The following DRD2 variants were observed in gnomAD, a reference collection of about 807,000 sequenced individuals.
DRD2 encodes the protein dopamine receptor D2, also known as D(2) dopamine receptor.
Under a neutral mutation model 38.0 loss-of-function variants are expected in DRD2, and 8 were observed. The observed-to-expected ratio is 0.21, with a 90% confidence interval of 0.12 to 0.38. DRD2 has a LOEUF of 0.38. Ranked by LOEUF, DRD2 falls within the 10% of genes least tolerant of loss-of-function variation. The probability of loss-of-function intolerance (pLI) is 1.00; values close to 1 mark genes in which losing one functional copy is unlikely to be tolerated. For synonymous variants in DRD2, 230 were observed against 238.6 expected (o/e 0.96, Z 0.33); for missense variants, 403 against 607.7 (o/e 0.66, Z 3.54).
At chr11:113,438,194 GT>G (rs199503197) in intron 1 of DRD2, among the ~76,000 whole-genome samples, 317 of 149,592 alleles carry the variant, frequency 2.1e-3, no homozygotes, top group Middle Eastern at 0.021. Flanking sequence ...TATTTTTATT[GT>G]TTTTTTTTTA....
intron 1 of DRD2, among the ~76,000 whole-genome samples, chr11:113,429,101 G>A (rs1200508455): frequency 6.6e-6 from 1 of 152,110 alleles, no homozygotes; most frequent in African/African-American, 2.4e-5. Flanking sequence ...ATTATTGGTT[G>A]TTCTCGTTGC....
intron 1 of DRD2, among the ~76,000 whole-genome samples, chr11:113,444,924 T>G (rs992391902): frequency 1.3e-5 from 2 of 152,268 alleles, no homozygotes; most frequent in African/African-American, 4.8e-5. Context: ...ATGAACTTCC[T>G]GCCACTTTTG....
rs1951063648 is a variant in DRD2, at chr11:113,439,107, C to A, written c.-31-14425G>T. ...GTATTATTATCGTCTCACTCAGGAG[C>A]ATGTAGTTGGTGGTATTTCTTTGCC... On this transcript the variant is annotated intron_variant, in intron 1 of 7. Coordinates refer to ENST00000362072, the MANE Select transcript of DRD2 (RefSeq NM_000795.4). Among the ~76,000 whole-genome samples, 2 of 152,186 alleles carry A rather than the reference C, an allele frequency of 1.3e-5. 1 individual carries two copies. Among genetic ancestry groups the A allele is most frequent in the South Asian group, 4.1e-4 (2 of 4,820 alleles).
intron 7 of DRD2, among the ~76,000 whole-genome samples, chr11:113,412,302 A>G (rs1320356863): frequency 2.0e-5 from 3 of 152,166 alleles, no homozygotes; most frequent in Non-Finnish European, 4.4e-5. Context: ...CAGACTCTGG[A>G]GTCAGACTGC....
intron 1 of DRD2, among the ~76,000 whole-genome samples, chr11:113,440,566 G>T (rs1951080510): frequency 6.6e-6 from 1 of 152,248 alleles, no homozygotes; most frequent in Non-Finnish European, 1.5e-5. Flanking sequence ...GATAATGGCA[G>T]AGGCAAATAA....
intron 4 of DRD2, among the ~76,000 whole-genome samples, chr11:113,416,234 T>G (rs186536326): frequency 2.6e-5 from 4 of 152,248 alleles, no homozygotes; most frequent in Admixed American, 6.5e-5. Context: ...CTGTATCTTT[T>G]GTTGTTACGA....
intron 1 of DRD2, among the ~76,000 whole-genome samples, chr11:113,467,476 A>C (rs1182449537): frequency 6.6e-6 from 1 of 152,234 alleles, no homozygotes; most frequent in Non-Finnish European, 1.5e-5. Flanking sequence ...GAATGACTCC[A>C]GAAGCTGCAG....
At chr11:113,410,994 G>T (rs1169535575) in intron 7 of DRD2, 74 bp from the exon 8 acceptor site, 6 of 1,503,590 alleles carry the variant, frequency 4.0e-6, no homozygotes, top group Non-Finnish European at 5.4e-6. Flanking sequence ...CACCCAGTGC[G>T]CCCTGGCTCG....
intron 1 of DRD2, among the ~76,000 whole-genome samples, chr11:113,456,501 G>A (rs1000873959): frequency 2.6e-5 from 4 of 151,994 alleles, no homozygotes; most frequent in Non-Finnish European, 4.4e-5. Flanking sequence ...ATACATACAT[G>A]TATTGAAGCA....
intron 1 of DRD2, among the ~76,000 whole-genome samples, chr11:113,463,315 C>G (rs1302023816): frequency 6.6e-6 from 1 of 152,176 alleles, no homozygotes; most frequent in Non-Finnish European, 1.5e-5. Flanking sequence ...TACCTGCAGC[C>G]ACAGTGTGGT....
intron 1 of DRD2, among the ~76,000 whole-genome samples, chr11:113,445,257 A>G (rs1029912963): frequency 6.6e-6 from 1 of 152,252 alleles, no homozygotes; most frequent in African/African-American, 2.4e-5. Context: ...AAAAACTGGC[A>G]AAATGCAAAT....
chr11:113,473,819 T>C (rs1951451029), intron 1 of DRD2, among the ~76,000 whole-genome samples: 1 of 152,206 alleles, frequency 6.6e-6, no homozygotes, highest in East Asian at 1.9e-4. Flanking sequence ...ACGATAAGCA[T>C]GATTTCTTTT....
intron 1 of DRD2, among the ~76,000 whole-genome samples, chr11:113,429,528 A>AG (rs780348700): frequency 5.1e-4 from 78 of 152,228 alleles, no homozygotes; most frequent in African/African-American, 1.3e-3. Flanking sequence ...TACAGGCGTG[A>AG]GCCACCGCAC....
intron 1 of DRD2, among the ~76,000 whole-genome samples, chr11:113,444,251 G>A (rs1951120278): frequency 6.6e-6 from 1 of 152,154 alleles, no homozygotes; most frequent in African/African-American, 2.4e-5. Flanking sequence ...TGACCAGGCT[G>A]GTCTCAAACT....
At chr11:113,449,068 C>T (rs1951184266) in intron 1 of DRD2, among the ~76,000 whole-genome samples, 4 of 152,220 alleles carry the variant, frequency 2.6e-5, no homozygotes, top group Admixed American at 2.6e-4. Flanking sequence ...GATCTTCCCA[C>T]ATTACCTGCT....
chr11:113,456,971 C>T (rs187548913), intron 1 of DRD2, among the ~76,000 whole-genome samples: 3 of 152,220 alleles, frequency 2.0e-5, no homozygotes, highest in African/African-American at 7.2e-5. Context: ...ATCCGACCTG[C>T]AGCAAAAAGG....
intron 1 of DRD2, among the ~76,000 whole-genome samples, chr11:113,466,773 A>G (rs543325639): frequency 6.6e-6 from 1 of 152,346 alleles, no homozygotes; most frequent in East Asian, 1.9e-4. Context: ...TTAAGTAACT[A>G]CCAAGTGCCT....
intron 1 of DRD2, among the ~76,000 whole-genome samples, chr11:113,451,695 G>A (rs543118453): frequency 4.6e-5 from 7 of 151,950 alleles, no homozygotes; most frequent in African/African-American, 9.7e-5. Context: ...TTACCATGTC[G>A]GCCAGGCTGG....
intron 1 of DRD2, among the ~76,000 whole-genome samples, chr11:113,469,317 T>C (rs140184413): frequency 6.6e-6 from 1 of 152,320 alleles, no homozygotes; most frequent in African/African-American, 2.4e-5. Context: ...CAAGGAGTTA[T>C]TTTATTCATC....
Sources: gnomAD v4.1 joint callset for allele counts (sites outside exome capture counted in the v4.1 genomes callset) on GRCh38, gnomAD v4.1.1 for gene constraint, MANE v1.5 for transcripts, NCBI Gene and HGNC (gene_info 2026-07-23, HGNC 2026-07-21) for gene names.